PNPLA7: variants seen among roughly 807,000 people sequenced by gnomAD.
PNPLA7 encodes the protein patatin like domain 7, lysophospholipase, also known as patatin-like phospholipase domain-containing protein 7.
Under a neutral mutation model 161.7 loss-of-function variants are expected in PNPLA7, and 153 were observed. The ratio of observed to expected loss-of-function variants is 0.95; its 90% CI spans 0.83 to 1.08. The LOEUF (loss-of-function observed/expected upper bound fraction) is 1.08. PNPLA7 is among the 50% of genes least tolerant of loss of function. The pLI, the probability that PNPLA7 is intolerant of heterozygous loss-of-function variation, is 0.00. For missense variants in PNPLA7, 1,739 were observed against 1,856.6 expected (o/e 0.94, Z 1.16); for synonymous variants, 809 against 782.1 (o/e 1.03, Z -0.57).
rs1836048127 is a variant in PNPLA7, at chr9:137,539,075, T to C, written c.747+1567A>G. On this transcript the variant is annotated intron_variant, in intron 8 of 34. Transcript: ENST00000406427. ...TCAAAAAAAACAACAAAATTCAGGCTGGGTGCAGTGGCTCACGCCTGTAAT... is the reference window on the plus strand; with the variant it reads ...TCAAAAAAAACAACAAAATTCAGGCCGGGTGCAGTGGCTCACGCCTGTAAT... 7.4e-5 allele frequency among the ~76,000 whole-genome samples: 11 copies of C among 149,554 alleles called. No individual in the cohort carries two copies. In the South Asian group the frequency reaches 2.3e-3, roughly 32 times the overall value.
chr9:137,477,467 T>C (rs1466743493), intron 25 of PNPLA7, among the ~76,000 whole-genome samples: 1 of 152,130 alleles, frequency 6.6e-6, no homozygotes, highest in Non-Finnish European at 1.5e-5. Context: ...CTTTTTTTTT[T>C]TGAGACAGAG....
chr9:137,549,377 C>T (rs1169893011), intron 1 of PNPLA7, among the ~76,000 whole-genome samples: 1 of 152,022 alleles, frequency 6.6e-6, no homozygotes, highest in African/African-American at 2.4e-5. Context: ...ACCATCCTGG[C>T]TAACACAGTG....
At chr9:137,496,106 G>GT (rs911379420) in intron 18 of PNPLA7, among the ~76,000 whole-genome samples, 199 of 140,746 alleles carry the variant, frequency 1.4e-3, no homozygotes, top group Non-Finnish European at 1.9e-3. Context: ...CCCACACACT[G>GT]TTTTTTTTTT....
In PNPLA7 at chr9:137,500,807, C is replaced by T. The variant is rs771609287; in HGVS notation, c.1641G>A (p.Thr547=). ...GSQEDTCLFL[T]RPGEMVGQLA... is the part of the protein sequence containing the mutation. ...GCTGGCCCACCATCTCCCCGGGGCG[C>T]GTGAGGAACAAGCAGGTGTCCTCCT... Residue 547 remains threonine (T), a synonymous_variant, in exon 16 of 35, where the codon ACG becomes ACA. Transcript: ENST00000406427. This position sits in a 1 kb window ranked among gnomAD's most constrained non-coding sequence, Gnocchi z 5.5. 3.0e-5 allele frequency: 49 copies of T among 1,608,682 alleles called. No homozygotes were observed. Among genetic ancestry groups the T allele is most frequent in the Admixed American group, 1.5e-4 (9 of 59,314 alleles).
intron 33 of PNPLA7, chr9:137,461,330 A>G (rs1174801690): frequency 1.1e-5 from 6 of 524,358 alleles, no homozygotes; most frequent in Non-Finnish European, 2.0e-5. Context: ...GGGCTGGGTG[A>G]CCCGGGGTGG....
chr9:137,488,198 G>A (rs1389615557), intron 20 of PNPLA7, among the ~76,000 whole-genome samples: 3 of 152,210 alleles, frequency 2.0e-5, no homozygotes, highest in South Asian at 2.1e-4. Flanking sequence ...CCCGAGCTTC[G>A]GCCCGAACGC....
intron 21 of PNPLA7, 124 bp downstream of exon 21, chr9:137,484,463 C>A (rs761333349): frequency 3.6e-6 from 4 of 1,098,856 alleles, no homozygotes; most frequent in Non-Finnish European, 4.9e-6. Context: ...CTACCGAACA[C>A]TGACCCCAAC....
chr9:137,504,463 C>T (rs974622873), intron 14 of PNPLA7, among the ~76,000 whole-genome samples: 44 of 152,274 alleles, frequency 2.9e-4, no homozygotes, highest in African/African-American at 9.4e-4. Flanking sequence ...CCACCTGCCT[C>T]GGCCTCCCAA....
rs978935047 is a variant in PNPLA7, at chr9:137,468,636, G to A, written c.2883-1163C>T. On this transcript the variant is annotated intron_variant, in intron 25 of 34. Coordinates refer to ENST00000406427, the MANE Select transcript of PNPLA7 (RefSeq NM_001098537.3). The surrounding 1 kb of genome is among the most constrained non-coding windows in gnomAD (Gnocchi z 4.0). ...TGTTGGAGGAGGGACCCGGTGGGAGGTAACTGGATCATGGGGGCAGATTTG... is the reference window on the plus strand; with the variant it reads ...TGTTGGAGGAGGGACCCGGTGGGAGATAACTGGATCATGGGGGCAGATTTG... Among the ~76,000 whole-genome samples the A allele has an allele frequency of 2.0e-5, 3 of 151,978 alleles. No homozygotes were observed. Among genetic ancestry groups the A allele is most frequent in the African/African-American group, 7.3e-5 (3 of 41,350 alleles).
At chr9:137,503,764 A>AG in intron 14 of PNPLA7, among the ~76,000 whole-genome samples, 1 of 12,600 alleles carries the variant, frequency 7.9e-5, no homozygotes, top group African/African-American at 4.3e-4. Context: ...GAAAAGAAAG[A>AG]AAAAGAAGAA....
chr9:137,529,996 GCT>G (rs1835504405), intron 8 of PNPLA7, among the ~76,000 whole-genome samples: 1 of 144,898 alleles, frequency 6.9e-6, no homozygotes, highest in South Asian at 2.2e-4. Context: ...ATACAGTCTT[GCT>G]CTGTTTCCCA....
At chr9:137,498,811 G>A (rs543031971) in intron 16 of PNPLA7, among the ~76,000 whole-genome samples, 19 of 152,310 alleles carry the variant, frequency 1.2e-4, no homozygotes, top group Non-Finnish European at 1.9e-4. Context: ...GGGCAGTGGC[G>A]AGGTGGGACG....
intron 29 of PNPLA7, chr9:137,463,035 T>C (rs538116060): frequency 1.5e-4 from 110 of 732,392 alleles, no homozygotes; most frequent in Non-Finnish European, 2.2e-6. Flanking sequence ...TTTCTGACCG[T>C]ATATCCCACA....
intron 4 of PNPLA7, among the ~76,000 whole-genome samples, chr9:137,545,317 C>T (rs1449951579): frequency 6.6e-6 from 1 of 152,182 alleles, no homozygotes; most frequent in African/African-American, 2.4e-5. Flanking sequence ...CTCAGCCCCT[C>T]AAATCCCAGG....
In PNPLA7 at chr9:137,500,798, C is replaced by T. The variant is rs780556881; in HGVS notation, c.1650G>A (p.Gly550=). The change falls in exon 16 of 35, where the codon GGG becomes GGA. Residue 550 remains glycine (G), a synonymous_variant. Coordinates refer to ENST00000406427, the MANE Select transcript of PNPLA7 (RefSeq NM_001098537.3). The surrounding 1 kb of genome is among the most constrained non-coding windows in gnomAD (Gnocchi z 5.5). ...EDTCLFLTRP[G]EMVGQLAVLT... ...GCACGGCCAGCTGGCCCACCATCTCCCCGGGGCGCGTGAGGAACAAGCAGG... is the reference window on the plus strand; with the variant it reads ...GCACGGCCAGCTGGCCCACCATCTCTCCGGGGCGCGTGAGGAACAAGCAGG... The T allele has an allele frequency of 6.2e-7, 1 of 1,610,598 alleles. No homozygotes were observed. Among genetic ancestry groups the T allele is most frequent in the African/African-American group, 1.3e-5 (1 of 75,030 alleles).
chr9:137,504,197 GGAAGAAGAA>G (rs923090803), intron 14 of PNPLA7, among the ~76,000 whole-genome samples: 2 of 150,632 alleles, frequency 1.3e-5, no homozygotes, highest in African/African-American at 4.9e-5. Flanking sequence ...AAGAAGAAGA[GGAAGAAGAA>G]GAGAGATTTT....
At chr9:137,534,319 G>C (rs573333127) in intron 8 of PNPLA7, among the ~76,000 whole-genome samples, 1 of 150,536 alleles carries the variant, frequency 6.6e-6, no homozygotes, top group Admixed American at 6.6e-5. Context: ...CTCCCCAACA[G>C]TGTCTACTCC....
At chr9:137,504,541 C>G (rs1833809441) in intron 14 of PNPLA7, among the ~76,000 whole-genome samples, 1 of 152,136 alleles carries the variant, frequency 6.6e-6, no homozygotes, top group Non-Finnish European at 1.5e-5. Flanking sequence ...ATAGATCAGC[C>G]CACTGCAGTG....
intron 21 of PNPLA7, among the ~76,000 whole-genome samples, chr9:137,483,921 A>G (rs1483990914): frequency 2.0e-5 from 3 of 152,054 alleles, no homozygotes; most frequent in Non-Finnish European, 4.4e-5. Flanking sequence ...TAATTATACA[A>G]CATTCATTGC....
Sources: gnomAD v4.1 joint callset for allele counts (sites outside exome capture counted in the v4.1 genomes callset) on GRCh38, gnomAD v4.1.1 for gene constraint, Gnocchi (gnomAD v3.1) non-coding constraint, MANE v1.5 for transcripts, NCBI Gene and HGNC (gene_info 2026-07-23, HGNC 2026-07-21) for gene names.